Variants in KDELR3 observed in about 807,000 individuals in gnomAD.
KDELR3 encodes ER lumen protein-retaining receptor 3.
KDELR3 carries 26 observed loss-of-function variants against 22.7 expected under a neutral mutation model. The observed-to-expected ratio is 1.15, with a 90% CI of 0.84 to 1.59. KDELR3 has a LOEUF of 1.59. Ranked by LOEUF, KDELR3 falls within the 40% of genes most tolerant of loss-of-function variation. KDELR3 has a pLI of 0.00. For missense variants in KDELR3, 289 were observed against 251.1 expected, an observed-to-expected ratio of 1.15 and a Z score of -1.02; for synonymous variants, 120 against 98.2, an observed-to-expected ratio of 1.22 and a Z score of -1.31.
intron 3 of KDELR3, among the ~76,000 whole-genome samples, chr22:38,480,955 T>G (rs186358538): frequency 2.0e-5 from 3 of 151,900 alleles, no homozygotes; most frequent in African/African-American, 7.2e-5. Flanking sequence ...TTAAAAGTAG[T>G]TTTCTATATA....
chr22:38,482,494 A>G lies in KDELR3; in HGVS notation c.605-2A>G, dbSNP rs766645334. On this transcript the variant is annotated splice_acceptor_variant, in intron 4 of 4. Transcript: ENST00000216014. LOFTEE classifies it high-confidence loss of function. ...TCTTATTTCATCTCCATTTTCTTCC[A>G]GTCCTTAAGGGAAAGAAGTTAAGTC... The G allele has an allele frequency of 1.2e-6, 2 of 1,610,828 alleles. No individual in the cohort carries two copies. Among genetic ancestry groups the G allele is most frequent in the Non-Finnish European group, 1.7e-6 (2 of 1,177,066 alleles).
intron 2 of KDELR3, 144 bp downstream of exon 2, chr22:38,474,767 T>C (rs1406676052): frequency 1.5e-6 from 1 of 654,026 alleles, no homozygotes; most frequent in East Asian, 2.7e-5. Context: ...CAAGACCTCA[T>C]CTTGGGCCTC....
At chr22:38,476,593 C>T (rs571409357) in intron 2 of KDELR3, among the ~76,000 whole-genome samples, 6 of 151,940 alleles carry the variant, frequency 3.9e-5, no homozygotes, top group African/African-American at 1.5e-4. Context: ...GGTGCAATCT[C>T]GGCTCACTGC....
At chr22:38,476,711 A>T (rs2089561204) in intron 2 of KDELR3, among the ~76,000 whole-genome samples, 1 of 151,670 alleles carries the variant, frequency 6.6e-6, no homozygotes, top group African/African-American at 2.4e-5. Flanking sequence ...TTTTTGATAG[A>T]GACGGGGTTT....
At chr22:38,468,378 C>G (rs2089501081) in intron 1 of KDELR3, 54 bp downstream of exon 1, 2 of 1,547,038 alleles carry the variant, frequency 1.3e-6, no homozygotes, top group Admixed American at 3.4e-5. Flanking sequence ...CAGCCTCATG[C>G]CCCTGCGTGC....
intron 1 of KDELR3, among the ~76,000 whole-genome samples, chr22:38,471,981 A>T (rs1036121581): frequency 6.6e-6 from 1 of 151,580 alleles, no homozygotes; most frequent in African/African-American, 2.4e-5. Flanking sequence ...AAGAAAAAAA[A>T]ATGTTCTCCC....
chr22:38,475,425 C>A (rs531839148), intron 2 of KDELR3, among the ~76,000 whole-genome samples: 14 of 152,150 alleles, frequency 9.2e-5, no homozygotes, highest in African/African-American at 2.9e-4. Flanking sequence ...CTGCAGTGAG[C>A]CATGATCATG....
intron 1 of KDELR3, among the ~76,000 whole-genome samples, chr22:38,469,112 C>T (rs970498539): frequency 6.6e-6 from 1 of 152,198 alleles, no homozygotes; most frequent in Non-Finnish European, 1.5e-5. Context: ...TGAGAGTGGG[C>T]CCCGAAGGCC....
intron 1 of KDELR3, among the ~76,000 whole-genome samples, chr22:38,469,170 C>T (rs1284235635): frequency 6.6e-6 from 1 of 152,204 alleles, no homozygotes; most frequent in Non-Finnish European, 1.5e-5. Context: ...GAGCAGGTGT[C>T]AATCCAGGAA....
Position 38,481,472 on chromosome 22 carries a change from C to T in KDELR3, c.604+8C>T. The T allele has an allele frequency of 1.9e-6, 3 of 1,614,144 alleles. No individual in the cohort carries two copies. The highest frequency in any genetic ancestry group is 2.5e-6 in the Non-Finnish European group (3 of 1,180,026). ...ACTTGTATGTGACCAAAGGTAGGTCCTGGGATGACAGCAATGCTGACACTG... is the reference window on the plus strand; with the variant it reads ...ACTTGTATGTGACCAAAGGTAGGTCTTGGGATGACAGCAATGCTGACACTG... On this transcript the variant is annotated splice_region_variant and intron_variant, in intron 4 of 4. Transcript: ENST00000216014.
chr22:38,480,461 G>A (rs2089591610), intron 3 of KDELR3, among the ~76,000 whole-genome samples: 1 of 152,138 alleles, frequency 6.6e-6, no homozygotes, highest in Admixed American at 6.5e-5. Flanking sequence ...AAGAAACTGT[G>A]GCTTCAATTA....
chr22:38,478,629 A>ATTTTTT (rs55884876), intron 2 of KDELR3, among the ~76,000 whole-genome samples: 7,844 of 43,438 alleles, frequency 0.18, 3,516 homozygotes, highest in Middle Eastern at 0.29. Context: ...AGCATCTGTG[A>ATTTTTT]TTTTTTTTTT....
intron 4 of KDELR3, among the ~76,000 whole-genome samples, chr22:38,482,217 T>G (rs1373387467): frequency 2.0e-5 from 3 of 152,312 alleles, no homozygotes; most frequent in Admixed American, 2.0e-4. Context: ...GGACACAAGT[T>G]CTAGGACTTG....
intron 1 of KDELR3, among the ~76,000 whole-genome samples, chr22:38,470,565 AG>A (rs1347282437): frequency 7.9e-5 from 12 of 152,288 alleles, no homozygotes; most frequent in African/African-American, 2.9e-4. Context: ...GAGGTGATGG[AG>A]GCAGGGCCTG....
intron 1 of KDELR3, among the ~76,000 whole-genome samples, chr22:38,471,143 T>TCAAACAAA (rs147180152): frequency 6.6e-6 from 1 of 151,972 alleles, no homozygotes; most frequent in African/African-American, 2.4e-5. Context: ...GAACTCTGTC[T>TCAAACAAA]CAAACAAACA....
rs779725367 is a variant in KDELR3, at chr22:38,482,530, A to G, written c.639A>G (p.Pro213=). 2 of 1,612,482 alleles carry G rather than the reference A, an allele frequency of 1.2e-6. No homozygotes were observed. The highest frequency in any genetic ancestry group is 2.2e-5 in the East Asian group (1 of 44,884). The part of the protein sequence containing the change: ...LKGKKLSLPM[P]I ...GAAAGAAGTTAAGTCTTCCAATGCC[A>G]ATCTGAGGACCTTCAGAGACAGTCT... The change falls in exon 5 of 5, where the codon CCA becomes CCG. Residue 213 remains proline (P), a synonymous_variant. Transcript: ENST00000216014.
rs533486519 is a variant in KDELR3 at position 38,469,888 on chromosome 22, C to G, written c.91+1564C>G. Among the ~76,000 whole-genome samples, 6 of 152,012 alleles carry G rather than the reference C, an allele frequency of 3.9e-5. No individual in the cohort carries two copies. The South Asian group carries it at 1.2e-3, about 32-fold the overall frequency. On this transcript the variant is annotated intron_variant, in intron 1 of 4. Coordinates refer to ENST00000216014, the MANE Select transcript of KDELR3 (RefSeq NM_006855.4). ...AAGCTGAAGTACTGTGGTGTGATCT[C>G]GGCTCACTGCAACCTCCACCTCCCA...
intron 3 of KDELR3, among the ~76,000 whole-genome samples, 167 bp from the exon 4 acceptor site, chr22:38,481,041 TTACC>T (rs1444249474): frequency 6.6e-6 from 1 of 152,206 alleles, no homozygotes; most frequent in Non-Finnish European, 1.5e-5. Flanking sequence ...ACCCTTATAT[TTACC>T]TAGAGATGGT....
chr22:38,476,142 G>A (rs1394291771), intron 2 of KDELR3, among the ~76,000 whole-genome samples: 1 of 152,038 alleles, frequency 6.6e-6, no homozygotes, highest in Non-Finnish European at 1.5e-5. Context: ...ATGTTGCCCA[G>A]GCTGGTCTCA....
Sources: allele counts gnomAD v4.1 joint callset (sites outside exome capture counted in the v4.1 genomes callset), GRCh38; gene constraint gnomAD v4.1.1; transcripts MANE v1.5; gene names NCBI Gene and HGNC (gene_info 2026-07-23, HGNC 2026-07-21).